Variants in DLC1 observed in about 807,000 individuals in gnomAD.
The protein encoded by DLC1 is rho GTPase-activating protein 7.
In DLC1, 54 loss-of-function variants were observed where a neutral mutation model predicts 140.3. The ratio of observed to expected loss-of-function variants is 0.38; its 90% CI spans 0.31 to 0.48. The LOEUF is 0.48. DLC1 is among the 20% of genes least tolerant of loss of function. The pLI is 0.96. For synonymous variants in DLC1, 986 were observed against 728.1 expected (o/e 1.35, Z -5.70); for missense variants, 2,536 against 1,907.0 (o/e 1.33, Z -6.14).
At chr8:13,245,934 T>G (rs1381066768) in intron 5 of DLC1, among the ~76,000 whole-genome samples, 1 of 152,128 alleles carries the variant, frequency 6.6e-6, no homozygotes, top group African/African-American at 2.4e-5. Flanking sequence ...ACTCCTGACC[T>G]CAAGTGATTC....
intron 5 of DLC1, among the ~76,000 whole-genome samples, chr8:13,297,866 GTT>G (rs59669606): frequency 0.01 from 1,551 of 151,056 alleles, 26 homozygotes; most frequent in African/African-American, 0.036. Context: ...TTCCATTTTA[GTT>G]TTTTTTTGTT....
intron 1 of DLC1, among the ~76,000 whole-genome samples, chr8:13,545,460 C>A (rs1162471536): frequency 2.0e-5 from 3 of 152,006 alleles, no homozygotes; most frequent in Non-Finnish European, 2.9e-5. Context: ...TCTTTCCTGG[C>A]CAAACTGGGC....
chr8:13,549,915 A>G (rs1231027067), intron 1 of DLC1, among the ~76,000 whole-genome samples: 3 of 152,086 alleles, frequency 2.0e-5, no homozygotes, highest in Non-Finnish European at 2.9e-5. Flanking sequence ...TTTACAAACT[A>G]CACGTGAATA....
intron 10 of DLC1, 96 bp from the exon 11 acceptor site, chr8:13,095,341 G>C (rs1222514611): frequency 2.7e-6 from 4 of 1,488,872 alleles, no homozygotes; most frequent in African/African-American, 1.4e-5. Flanking sequence ...GTGGGCTCCA[G>C]ATCTGTGCTA....
At chr8:13,259,017 C>G (rs1047102930) in intron 5 of DLC1, among the ~76,000 whole-genome samples, 4 of 151,420 alleles carry the variant, frequency 2.6e-5, no homozygotes, top group African/African-American at 9.7e-5. Flanking sequence ...GGCGCCTGTA[C>G]TCCCAGCTAC....
At chr8:13,595,940 T>C (rs1805666749) in intron 1 of DLC1, among the ~76,000 whole-genome samples, 1 of 151,970 alleles carries the variant, frequency 6.6e-6, no homozygotes, top group Admixed American at 6.6e-5. Flanking sequence ...ACAAAAGCAA[T>C]CTATACAAAA....
At chr8:13,565,578 C>T (rs1387776973) in intron 1 of DLC1, among the ~76,000 whole-genome samples, 2 of 152,108 alleles carry the variant, frequency 1.3e-5, no homozygotes, top group African/African-American at 2.4e-5. Context: ...GAAGCTGGCT[C>T]ATATACTTGA....
At chr8:13,459,720 C>G (rs1799573088) in intron 2 of DLC1, among the ~76,000 whole-genome samples, 1 of 152,146 alleles carries the variant, frequency 6.6e-6, no homozygotes, top group Admixed American at 6.5e-5. Context: ...TTCCCTTTCC[C>G]ATCCGGTCTA....
At chr8:13,457,626 G>T (rs552991565) in intron 2 of DLC1, among the ~76,000 whole-genome samples, 1 of 133,630 alleles carries the variant, frequency 7.5e-6, no homozygotes, top group South Asian at 2.5e-4. Flanking sequence ...GCAGTGAGCC[G>T]AGATCGCGCC....
At chr8:13,512,324 G>C (rs1433815589) in intron 1 of DLC1, among the ~76,000 whole-genome samples, 1 of 152,112 alleles carries the variant, frequency 6.6e-6, no homozygotes, top group Non-Finnish European at 1.5e-5. Context: ...AAAGGGTCTT[G>C]TCTGAGAAGG....
chr8:13,329,273 T>C (rs1037736088), intron 4 of DLC1, among the ~76,000 whole-genome samples: 2 of 152,196 alleles, frequency 1.3e-5, no homozygotes, highest in African/African-American at 4.8e-5. Flanking sequence ...GCTGGTCCTA[T>C]AGAGCTTTCC....
chr8:13,308,298 C>T (rs905870608), intron 4 of DLC1, among the ~76,000 whole-genome samples: 1 of 152,156 alleles, frequency 6.6e-6, no homozygotes, highest in Non-Finnish European at 1.5e-5. Flanking sequence ...CCAAAACTCA[C>T]TTCCATTACA....
chr8:13,218,220 A>G (rs935884256), intron 5 of DLC1, among the ~76,000 whole-genome samples: 4 of 152,126 alleles, frequency 2.6e-5, no homozygotes, highest in South Asian at 2.1e-4. Context: ...CTTACCTTAC[A>G]CCGTATACAA....
chr8:13,471,867 A>G (rs1450848165), intron 2 of DLC1, among the ~76,000 whole-genome samples: 1 of 152,160 alleles, frequency 6.6e-6, no homozygotes, highest in East Asian at 1.9e-4. Context: ...TCACTGGGTG[A>G]CATCAGCCTG....
At chr8:13,529,396 C>A (rs1409727019) in intron 1 of DLC1, among the ~76,000 whole-genome samples, 3 of 152,160 alleles carry the variant, frequency 2.0e-5, no homozygotes, top group African/African-American at 4.8e-5. Flanking sequence ...CAAGTCATTT[C>A]AACATTTTCC....
intron 5 of DLC1, among the ~76,000 whole-genome samples, chr8:13,188,935 C>T (rs1243250221): frequency 8.2e-5 from 12 of 147,032 alleles, no homozygotes; most frequent in African/African-American, 2.3e-4. Flanking sequence ...GTTATCCGCC[C>T]GCCTCGGCCT....
intron 2 of DLC1, among the ~76,000 whole-genome samples, chr8:13,431,315 C>T (rs1339091682): frequency 1.3e-5 from 2 of 151,418 alleles, no homozygotes; most frequent in Admixed American, 6.6e-5. Flanking sequence ...AACCCCATCT[C>T]TACTCAAAAT....
intron 1 of DLC1, chr8:13,558,909 AT>A (rs1431435512): frequency 6.6e-6 from 1 of 152,232 alleles, no homozygotes. Flanking sequence ...AAAATTACAA[AT>A]GATTGGCTTT....
chr8:13,097,539 C>A (rs1057401430), intron 10 of DLC1, among the ~76,000 whole-genome samples: 4 of 152,090 alleles, frequency 2.6e-5, no homozygotes, highest in African/African-American at 9.7e-5. Context: ...GCTGGGATTA[C>A]AGGCATGAGC....
Sources: gnomAD v4.1 joint callset for allele counts (sites outside exome capture counted in the v4.1 genomes callset) on GRCh38, gnomAD v4.1.1 for gene constraint, MANE v1.5 for transcripts, NCBI Gene and HGNC (gene_info 2026-07-23, HGNC 2026-07-21) for gene names.